TXNDC16: variants seen among roughly 807,000 people sequenced by gnomAD.
TXNDC16 encodes the protein thioredoxin domain containing 16.
TXNDC16 carries 74 observed loss-of-function variants against 85.6 expected under a neutral mutation model. That is an observed-to-expected ratio of 0.86 (90% CI 0.72 to 1.05). The LOEUF is 1.05. Among genes scored for constraint, TXNDC16 ranks in the 50% least tolerant of loss-of-function variants. The pLI is 0.00. For missense variants in TXNDC16, 959 were observed against 947.0 expected (o/e 1.01, Z -0.17); for synonymous variants, 335 against 326.5 (o/e 1.03, Z -0.28).
chr14:52,485,763 AT>A (rs1269817858), intron 12 of TXNDC16, among the ~76,000 whole-genome samples: 2 of 152,192 alleles, frequency 1.3e-5, no homozygotes, highest in Non-Finnish European at 2.9e-5. Context: ...TAGGTGTGTA[AT>A]AGGCTACACC....
intron 9 of TXNDC16, among the ~76,000 whole-genome samples, chr14:52,510,962 C>T (rs188655388): frequency 3.3e-5 from 5 of 152,232 alleles, no homozygotes; most frequent in Admixed American, 2.0e-4. Flanking sequence ...AGAATATTTT[C>T]ACTTACACAA....
At chr14:52,450,809 A>C (rs2035389075) in intron 18 of TXNDC16, among the ~76,000 whole-genome samples, 1 of 151,640 alleles carries the variant, frequency 6.6e-6, no homozygotes, top group African/African-American at 2.4e-5. Flanking sequence ...ATACAGAACC[A>C]GCCCAAACGC....
chr14:52,482,663 A>T (rs2036176575), intron 13 of TXNDC16, among the ~76,000 whole-genome samples, 159 bp downstream of exon 13: 1 of 152,172 alleles, frequency 6.6e-6, no homozygotes, highest in African/African-American at 2.4e-5. Flanking sequence ...TCAATTGCAC[A>T]ATCCCAGAAT....
intron 9 of TXNDC16, among the ~76,000 whole-genome samples, chr14:52,496,695 T>C (rs1440522833): frequency 6.6e-6 from 1 of 151,588 alleles, no homozygotes; most frequent in Non-Finnish European, 1.5e-5. Flanking sequence ...AGCCTTGACT[T>C]CCCCAGGCTC....
intron 6 of TXNDC16, among the ~76,000 whole-genome samples, chr14:52,527,871 G>A (rs2037374620): frequency 6.6e-6 from 1 of 150,512 alleles, no homozygotes; most frequent in Non-Finnish European, 1.5e-5. Flanking sequence ...ATGATGCTAT[G>A]CCCTAACCAT....
At chr14:52,467,876 CAAAAT>C (rs1254852288) in intron 16 of TXNDC16, among the ~76,000 whole-genome samples, 1 of 152,008 alleles carries the variant, frequency 6.6e-6, no homozygotes, top group Non-Finnish European at 1.5e-5. Context: ...AACAGATAAA[CAAAAT>C]AAGATATATA....
At position 52,470,512 on chromosome 14, in the gene TXNDC16, A is replaced by G; in HGVS notation, c.1481T>C (p.Leu494Pro). 1 of 1,611,898 alleles carries G rather than the reference A, an allele frequency of 6.2e-7. No homozygotes were observed. Among genetic ancestry groups the G allele is most frequent in the Non-Finnish European group, 8.5e-7 (1 of 1,179,204 alleles). ...GTEDLLKFIQ[L>P]NRISYPVNIT... ...TCTTATAATGAAGCTGAATACTTAC[A>G]GCTGGATAAATTTTAGGAGATCTTC... The change falls in exon 15 of 21, where the codon CTC becomes CCC. Residue 494 changes from leucine (L) to proline (P), a missense_variant and splice_region_variant. Coordinates refer to ENST00000281741, the MANE Select transcript of TXNDC16 (RefSeq NM_020784.3).
At chr14:52,512,898 G>C (rs2036990807) in intron 8 of TXNDC16, among the ~76,000 whole-genome samples, 1 of 152,132 alleles carries the variant, frequency 6.6e-6, no homozygotes, top group Non-Finnish European at 1.5e-5. Context: ...CAGCTACCAT[G>C]TTGTATAATC....
chr14:52,520,907 A>G lies in TXNDC16; in HGVS notation c.393-1614T>C, dbSNP rs1359822381. The stretch of plus-strand genomic sequence containing the variant: ...CTTTTTGGTCTCAGGAAACTTTTAT[A>G]TCCTTTAAATTTATTGAGGTCCTCA... On this transcript the variant is annotated intron_variant, in intron 6 of 20. Transcript: ENST00000281741. 2.0e-5 allele frequency among the ~76,000 whole-genome samples: 3 copies of G among 152,278 alleles called. No homozygotes were observed. In the East Asian group the frequency reaches 5.8e-4, roughly 29 times the overall value.
At chr14:52,442,471 A>G (rs2035189558) in intron 18 of TXNDC16, among the ~76,000 whole-genome samples, 1 of 152,154 alleles carries the variant, frequency 6.6e-6, no homozygotes, top group South Asian at 2.1e-4. Flanking sequence ...GGTGTCACCC[A>G]CCTCTAAATA....
rs1310006624 is a variant in TXNDC16, at chr14:52,530,262, ATATAT to A, written c.392+6452_392+6456del. ...AATAATATATAATATATATTATATAATATATATTATTATTTAATATATAATTATTA... is the reference window on the plus strand; with the variant it reads ...AATAATATATAATATATATTATATAAATTATTATTTAATATATAATTATTA... On this transcript the variant is annotated intron_variant, in intron 6 of 20. Transcript: ENST00000281741. 2.1e-4 allele frequency among the ~76,000 whole-genome samples: 11 copies of A among 53,586 alleles called. 1 individual carries two copies. The East Asian group carries it at 5.6e-3, about 28-fold the overall frequency. 35.2% of individuals were successfully genotyped at this position (53,586 alleles called of 152,430 possible). A position where few individuals can be genotyped will look rare whatever the true frequency, so the allele number is the denominator to read the frequency against.
rs780978262 is a variant in TXNDC16, at chr14:52,537,601, GAATA to G, written c.311_314del (p.Leu104SerfsTer18). 1 of 1,576,408 alleles carries G rather than the reference GAATA, an allele frequency of 6.3e-7. No homozygotes were observed. The highest frequency in any genetic ancestry group is 8.7e-7 in the Non-Finnish European group (1 of 1,148,010). ...GCACACTCAGGAAAATAGCTTACTTGAATAAATATGCTTTCATCAAATCCTTTTC... is the reference window on the plus strand; with the variant it reads ...GCACACTCAGGAAAATAGCTTACTTGAATATGCTTTCATCAAATCCTTTTC... On this transcript the variant is annotated frameshift_variant, in exon 5 of 21. Coordinates refer to ENST00000281741, the MANE Select transcript of TXNDC16 (RefSeq NM_020784.3). LOFTEE classifies it high-confidence loss of function.
chr14:52,480,517 G>GA (rs1304178507), intron 14 of TXNDC16, among the ~76,000 whole-genome samples: 1 of 151,936 alleles, frequency 6.6e-6, no homozygotes, highest in Non-Finnish European at 1.5e-5. Context: ...CTAAGGACAT[G>GA]AATAGAGACA....
chr14:52,463,480 C>T (rs938677253), intron 16 of TXNDC16, among the ~76,000 whole-genome samples: 7 of 152,148 alleles, frequency 4.6e-5, no homozygotes, highest in Non-Finnish European at 1.0e-4. Flanking sequence ...GGGCAGCCCC[C>T]CCAAACCAGA....
At chr14:52,441,876 A>T (rs2035173707) in intron 18 of TXNDC16, among the ~76,000 whole-genome samples, 1 of 152,204 alleles carries the variant, frequency 6.6e-6, no homozygotes, top group Non-Finnish European at 1.5e-5. Flanking sequence ...TAATATTAGC[A>T]GTAATGACTG....
At chr14:52,454,447 G>A (rs1451521965) in intron 18 of TXNDC16, among the ~76,000 whole-genome samples, 1 of 145,402 alleles carries the variant, frequency 6.9e-6, no homozygotes, top group Non-Finnish European at 1.5e-5. Flanking sequence ...AAAAACAAAA[G>A]CTCATGTAAC....
At chr14:52,534,812 T>C (rs2037662597) in intron 6 of TXNDC16, among the ~76,000 whole-genome samples, 1 of 152,232 alleles carries the variant, frequency 6.6e-6, no homozygotes, top group Admixed American at 6.5e-5. Context: ...CTGTTTTTTA[T>C]AGCCAATGTC....
intron 1 of TXNDC16, among the ~76,000 whole-genome samples, chr14:52,544,704 A>G (rs560707924): frequency 7.3e-6 from 1 of 136,496 alleles, no homozygotes; most frequent in African/African-American, 2.5e-5. Flanking sequence ...GGTGTTCCTG[A>G]AAAAAAAAAT....
At chr14:52,509,738 G>A (rs2036909249) in intron 9 of TXNDC16, among the ~76,000 whole-genome samples, 1 of 151,922 alleles carries the variant, frequency 6.6e-6, no homozygotes, top group Non-Finnish European at 1.5e-5. Context: ...CAGCACTTTG[G>A]GAGGTCCAGG....
Sources: gnomAD v4.1 joint callset for allele counts (sites outside exome capture counted in the v4.1 genomes callset) on GRCh38, gnomAD v4.1.1 for gene constraint, MANE v1.5 for transcripts, NCBI Gene and HGNC (gene_info 2026-07-23, HGNC 2026-07-21) for gene names.